TMEM120B: variants seen among roughly 807,000 people sequenced by gnomAD.
TMEM120B encodes transmembrane protein 120B.
In TMEM120B, 31 loss-of-function variants were observed where a neutral mutation model predicts 55.5. That is an observed-to-expected ratio of 0.56 (90% CI 0.42 to 0.75). The LOEUF (loss-of-function observed/expected upper bound fraction) is 0.75. Among genes scored for constraint, TMEM120B ranks in the 30% least tolerant of loss-of-function variants. The pLI, the probability that TMEM120B is intolerant of heterozygous loss-of-function variation, is 0.00. For missense variants in TMEM120B, 399 were observed against 425.5 expected, an observed-to-expected ratio of 0.94 and a Z score of 0.55; for synonymous variants, 203 against 176.3, an observed-to-expected ratio of 1.15 and a Z score of -1.20.
At chr12:121,743,572 GAAAAT>G in intron 1 of TMEM120B, 52 bp from the exon 2 acceptor site, 1 of 1,318,220 alleles carries the variant, frequency 7.6e-7, no homozygotes. Context: ...AAAAAGAAAA[GAAAAT>G]GAGCTGTTCA....
chr12:121,770,381 C>G (rs924665028), intron 6 of TMEM120B, among the ~76,000 whole-genome samples: 1 of 152,186 alleles, frequency 6.6e-6, no homozygotes, highest in African/African-American at 2.4e-5. Flanking sequence ...TTCAAAGGCC[C>G]TGTCTTCAAA....
intron 5 of TMEM120B, among the ~76,000 whole-genome samples, chr12:121,755,214 G>T (rs1360799007): frequency 6.6e-6 from 1 of 152,172 alleles, no homozygotes; most frequent in Non-Finnish European, 1.5e-5. Context: ...GGCCCTTCTT[G>T]GTACCACTAA....
At chr12:121,717,057 T>C (rs983145414) in intron 1 of TMEM120B, among the ~76,000 whole-genome samples, 20 of 152,184 alleles carry the variant, frequency 1.3e-4, no homozygotes, top group African/African-American at 4.3e-4. Context: ...TGGGGCACAG[T>C]TGAGTCTCCA....
Position 121,780,224 on chromosome 12 carries a change from A to T in TMEM120B, c.*4502A>T, listed in dbSNP as rs1874399595. On this transcript the variant is annotated 3_prime_UTR_variant, in exon 12 of 12. Coordinates refer to ENST00000449592, the MANE Select transcript of TMEM120B (RefSeq NM_001080825.2). ...AGGCATGCGCCACCATGCCCGGCTA[A>T]TGTTGTATTTTTAGTAGAGATGGGG... is the stretch of plus-strand genomic sequence containing the variant. The T allele has an allele frequency of 6.4e-6, 1 of 156,296 alleles. No homozygotes were observed. Among genetic ancestry groups the T allele is most frequent in the African/African-American group, 2.4e-5 (1 of 41,374 alleles). 9.7% of individuals were successfully genotyped at this position (156,296 alleles called of 1,614,324 possible). A position where few individuals can be genotyped will look rare whatever the true frequency, so the allele number is the denominator to read the frequency against.
intron 1 of TMEM120B, among the ~76,000 whole-genome samples, chr12:121,723,181 AAG>A (rs1219511168): frequency 2.6e-5 from 4 of 151,658 alleles, no homozygotes; most frequent in East Asian, 1.9e-4. Context: ...GTTTTGTTTT[AAG>A]AGAGAGGGGG....
intron 1 of TMEM120B, among the ~76,000 whole-genome samples, chr12:121,723,750 A>G (rs1894839301): frequency 6.6e-6 from 1 of 152,150 alleles, no homozygotes; most frequent in South Asian, 2.1e-4. Context: ...GAGGATGGGA[A>G]TACCATGTAG....
At chr12:121,769,351 C>T (rs894363046) in intron 6 of TMEM120B, among the ~76,000 whole-genome samples, 21 of 152,084 alleles carry the variant, frequency 1.4e-4, no homozygotes, top group East Asian at 1.9e-4. Context: ...TGTGAGGTGC[C>T]GCGTGTGGCA....
At chr12:121,743,278 T>C (rs2720031) in intron 1 of TMEM120B, among the ~76,000 whole-genome samples, 83,979 of 151,606 alleles carry the variant, frequency 0.55, 24,771 homozygotes, top group African/African-American at 0.77. Flanking sequence ...TGGCTGGGTG[T>C]GGTGAGTCAC....
At chr12:121,723,048 A>G (rs1894826807) in intron 1 of TMEM120B, among the ~76,000 whole-genome samples, 1 of 151,902 alleles carries the variant, frequency 6.6e-6, no homozygotes, top group Non-Finnish European at 1.5e-5. Context: ...GGGTTTCTCC[A>G]TGTTAGTCAG....
rs139194266 is a variant in TMEM120B at position 121,779,585 on chromosome 12, G to A, written c.*3863G>A. ...CCACCTTGGCGGCCTCCCGGAAGAC[G>A]TCCTCCACATTCTCCCGAAACTTGG... On this transcript the variant is annotated 3_prime_UTR_variant, in exon 12 of 12. Coordinates refer to ENST00000449592, the MANE Select transcript of TMEM120B (RefSeq NM_001080825.2). 1.1e-5 allele frequency: 17 copies of A among 1,614,084 alleles called. No homozygotes were observed. In the African/African-American group the frequency reaches 1.3e-4, roughly 13 times the overall value.
chr12:121,758,724 C>T, intron 5 of TMEM120B: 1 of 977,570 alleles, frequency 1.0e-6, no homozygotes, highest in Non-Finnish European at 1.2e-6. Context: ...CGGCCCAGCT[C>T]CACGCTGTGG....
chr12:121,768,213 A>G (rs186363546), intron 6 of TMEM120B, among the ~76,000 whole-genome samples: 1 of 152,276 alleles, frequency 6.6e-6, no homozygotes, highest in East Asian at 1.9e-4. Flanking sequence ...ACCTGCAACA[A>G]TCTCCTGTCA....
chr12:121,730,617 C>T (rs576475230), intron 1 of TMEM120B, among the ~76,000 whole-genome samples: 1 of 144,452 alleles, frequency 6.9e-6, no homozygotes, highest in Non-Finnish European at 1.5e-5. Flanking sequence ...CTCCACTGCA[C>T]TCCAGCCTGG....
At chr12:121,746,360 T>C (rs1032542343) in intron 2 of TMEM120B, among the ~76,000 whole-genome samples, 1 of 152,142 alleles carries the variant, frequency 6.6e-6, no homozygotes, top group African/African-American at 2.4e-5. Context: ...GCTAATTTTG[T>C]ATTTTTAGTA....
chr12:121,781,120 A>G lies in TMEM120B; in HGVS notation c.*5398A>G. ...GTTGTCGTAGCTGGTGGGATTCATG[A>G]CGTCATAGCAGATGAGCACGAGGTG... On this transcript the variant is annotated 3_prime_UTR_variant, in exon 12 of 12. Transcript: ENST00000449592. The G allele has an allele frequency of 6.2e-7, 1 of 1,614,184 alleles. No individual in the cohort carries two copies. The highest frequency in any genetic ancestry group is 1.3e-5 in the African/African-American group (1 of 75,050).
chr12:121,729,634 T>A (rs1337423714), intron 1 of TMEM120B, among the ~76,000 whole-genome samples: 60 of 146,646 alleles, frequency 4.1e-4, no homozygotes, highest in Non-Finnish European at 5.2e-4. Context: ...AGACCATCTC[T>A]ACAAGAAAAA....
At chr12:121,764,159 CCA>C (rs1566523006) in intron 6 of TMEM120B, among the ~76,000 whole-genome samples, 1 of 140,884 alleles carries the variant, frequency 7.1e-6, no homozygotes, top group Non-Finnish European at 1.5e-5. Flanking sequence ...TTCATCTTTA[CCA>C]AAAAAAAAAA....
chr12:121,715,227 C>G (rs948559845), intron 1 of TMEM120B, among the ~76,000 whole-genome samples: 2 of 151,956 alleles, frequency 1.3e-5, no homozygotes, highest in East Asian at 3.9e-4. Context: ...CCCAGATCCT[C>G]GAGTGGCTGA....
Position 121,778,866 on chromosome 12 carries a change from A to G in TMEM120B, c.*3144A>G, listed in dbSNP as rs1179608828. On this transcript the variant is annotated 3_prime_UTR_variant, in exon 12 of 12. Transcript: ENST00000449592. ...GGTGGTCCAGGGTATACTTTTAACA[A>G]CTGAGAAGCCATTTTTTCTGCCCCC... 1 of 152,630 alleles carries G rather than the reference A, an allele frequency of 6.6e-6. No homozygotes were observed. The highest frequency in any genetic ancestry group is 2.4e-5 in the African/African-American group (1 of 41,392). 9.5% of individuals were successfully genotyped at this position (152,630 alleles called of 1,614,324 possible). A position where few individuals can be genotyped will look rare whatever the true frequency, so the allele number is the denominator to read the frequency against.
Sources: allele counts gnomAD v4.1 joint callset (sites outside exome capture counted in the v4.1 genomes callset), GRCh38; gene constraint gnomAD v4.1.1; transcripts MANE v1.5; gene names NCBI Gene and HGNC (gene_info 2026-07-23, HGNC 2026-07-21).